Variants in RNASEH2B observed in about 807,000 individuals in gnomAD.
RNASEH2B encodes the protein ribonuclease H2 subunit B.
RNASEH2B carries 36 observed loss-of-function variants against 45.0 expected under a neutral mutation model. The ratio of observed to expected loss-of-function variants is 0.80; its 90% CI spans 0.61 to 1.06. RNASEH2B has a LOEUF of 1.06. Ranked by LOEUF, RNASEH2B falls within the 50% of genes least tolerant of loss-of-function variation. The pLI is 0.00. For synonymous variants in RNASEH2B, 119 were observed against 125.7 expected (o/e 0.95, Z 0.35); for missense variants, 361 against 360.3 (o/e 1.00, Z -0.02).
chr13:50,927,557 T>G lies in RNASEH2B; in HGVS notation c.136+79T>G. 8 of 920,734 alleles carry G rather than the reference T, an allele frequency of 8.7e-6. No homozygotes were observed. The South Asian group carries it at 1.0e-4, about 12-fold the overall frequency. 57.0% of individuals were successfully genotyped at this position (920,734 alleles called of 1,614,324 possible). ...TATACACTTTTATGTCTTTGTGTCCTTGCTCTTTCTGAATAGCTTTTAAAG... is the reference window on the plus strand; with the variant it reads ...TATACACTTTTATGTCTTTGTGTCCGTGCTCTTTCTGAATAGCTTTTAAAG... On this transcript the variant is annotated intron_variant, in intron 2 of 10. Coordinates refer to ENST00000336617, the MANE Select transcript of RNASEH2B (RefSeq NM_024570.4).
Position 50,945,481 on chromosome 13 carries a change from G to T in RNASEH2B, c.565G>T (p.Val189Leu), listed in dbSNP as rs1951889253. 1 of 1,613,806 alleles carries T rather than the reference G, an allele frequency of 6.2e-7. No individual in the cohort carries two copies. Residue 189 changes from valine to leucine, a missense_variant, in exon 7 of 11, where the codon GTA (valine) becomes TTA (leucine). Transcript: ENST00000336617. ...CAATAATGTGAATGTCAGTTCCCGG[G>T]TACAGTCAACTGCATTTTTCTCTGG... ...KTNNVNVSSR[V>L]QSTAFFSGDQ...
At chr13:50,935,505 C>T (rs1951738197) in intron 5 of RNASEH2B, 2 of 163,472 alleles carry the variant, frequency 1.2e-5, no homozygotes, top group East Asian at 1.7e-4. Flanking sequence ...CACAGTGTAA[C>T]GGAAGTGAAC....
intron 5 of RNASEH2B, chr13:50,941,270 C>T (rs1278667118): frequency 6.6e-6 from 1 of 152,208 alleles, no homozygotes; most frequent in Non-Finnish European, 1.5e-5. Context: ...AAAAAAACCT[C>T]TCTTTACACA....
At chr13:50,915,618 C>T (rs543042290) in intron 1 of RNASEH2B, 4 of 396,606 alleles carry the variant, frequency 1.0e-5, no homozygotes, top group Admixed American at 4.4e-5. Context: ...GTGGCCATTT[C>T]GCTTCTCAGT....
chr13:50,967,200 C>T (rs1194259823), intron 9 of RNASEH2B, among the ~76,000 whole-genome samples: 1 of 152,184 alleles, frequency 6.6e-6, no homozygotes, highest in Non-Finnish European at 1.5e-5. Context: ...GCTTACCATG[C>T]ACTAGGCACT....
At chr13:50,924,823 A>G (rs1258561094) in intron 1 of RNASEH2B, among the ~76,000 whole-genome samples, 1 of 152,212 alleles carries the variant, frequency 6.6e-6, no homozygotes, top group Non-Finnish European at 1.5e-5. Flanking sequence ...GCTGGAGTAC[A>G]GGCATGCACC....
intron 2 of RNASEH2B, chr13:50,928,278 C>T (rs1951628333): frequency 6.6e-6 from 1 of 152,090 alleles, no homozygotes. Flanking sequence ...TATGGGAGGG[C>T]CACTGAGTAG....
chr13:50,969,239 G>A (rs1348262801), intron 9 of RNASEH2B, among the ~76,000 whole-genome samples: 1 of 152,114 alleles, frequency 6.6e-6, no homozygotes, highest in East Asian at 1.9e-4. Flanking sequence ...TCTGGGGAGT[G>A]GGTGGTCAGG....
rs1952017904 is a variant in RNASEH2B, at chr13:50,954,381, C to T, written c.822+396C>T. On this transcript the variant is annotated intron_variant, in intron 10 of 10. Coordinates refer to ENST00000336617, the MANE Select transcript of RNASEH2B (RefSeq NM_024570.4). ...ACCCTGGCAAATGGCATTTTGGTAA[C>T]AGTCCTTACTTAGTTTTATACATGC... The T allele has an allele frequency of 8.0e-6, 3 of 374,606 alleles. No individual in the cohort carries two copies. The East Asian group carries it at 1.4e-4, about 18-fold the overall frequency. 23.2% of individuals were successfully genotyped at this position (374,606 alleles called of 1,614,324 possible).
chr13:50,960,797 C>T (rs149875303), downstream of RNASEH2B, among the ~76,000 whole-genome samples: 662 of 152,296 alleles, frequency 4.3e-3, 3 homozygotes, highest in African/African-American at 0.015. Context: ...ATTAGGCTAG[C>T]TTTCCATTTT....
downstream of RNASEH2B, among the ~76,000 whole-genome samples, chr13:50,961,587 C>A (rs1300831396): frequency 6.6e-6 from 1 of 152,054 alleles, no homozygotes; most frequent in Non-Finnish European, 1.5e-5. Flanking sequence ...CTGTGCAAGC[C>A]CTGAATCCAC....
At chr13:50,910,643 G>A in intron 1 of RNASEH2B, 1 of 153,266 alleles carries the variant, frequency 6.5e-6, no homozygotes, top group Non-Finnish European at 1.5e-5. Flanking sequence ...TTAGGCCAAG[G>A]GTAGTTCAAA....
intron 1 of RNASEH2B, among the ~76,000 whole-genome samples, chr13:50,918,350 G>A (rs895581178): frequency 6.6e-6 from 1 of 152,178 alleles, no homozygotes; most frequent in African/African-American, 2.4e-5. Flanking sequence ...TGTTAACCAG[G>A]ATGGTCTCGA....
chr13:50,918,379 C>T (rs933419544), intron 1 of RNASEH2B, among the ~76,000 whole-genome samples: 6 of 152,192 alleles, frequency 3.9e-5, no homozygotes, highest in East Asian at 3.9e-4. Flanking sequence ...CGTCGTGATC[C>T]GCCCGCCTCG....
chr13:50,947,572 T>G (rs537932419), intron 7 of RNASEH2B, among the ~76,000 whole-genome samples: 1 of 129,708 alleles, frequency 7.7e-6, no homozygotes, highest in South Asian at 2.1e-4. Context: ...ATAATTAGAT[T>G]TATTCTTTAT....
At chr13:50,915,682 T>C (rs1009738284) in intron 1 of RNASEH2B, among the ~76,000 whole-genome samples, 9 of 152,360 alleles carry the variant, frequency 5.9e-5, no homozygotes, top group South Asian at 4.1e-4. Flanking sequence ...GTAGAGCATG[T>C]CACGTAGGAT....
intron 9 of RNASEH2B, among the ~76,000 whole-genome samples, chr13:50,965,991 T>C (rs769997713): frequency 2.0e-5 from 3 of 152,220 alleles, no homozygotes; most frequent in Non-Finnish European, 4.4e-5. Flanking sequence ...GCAATTTTGT[T>C]TTCTTGCCTG....
At chr13:50,965,123 A>G (rs946559415) in intron 9 of RNASEH2B, among the ~76,000 whole-genome samples, 4 of 152,034 alleles carry the variant, frequency 2.6e-5, no homozygotes, top group Admixed American at 2.6e-4. Context: ...AATTCCTATC[A>G]CCTAGTGAGT....
chr13:50,959,404 CCAGA>C (rs1347583207), downstream of RNASEH2B: 4 of 151,924 alleles, frequency 2.6e-5, no homozygotes, highest in Non-Finnish European at 5.9e-5. Context: ...GGAAATTTAA[CCAGA>C]CACTTTTATT....
Sources: allele counts gnomAD v4.1 joint callset (sites outside exome capture counted in the v4.1 genomes callset), GRCh38; gene constraint gnomAD v4.1.1; transcripts MANE v1.5; gene names NCBI Gene and HGNC (gene_info 2026-07-23, HGNC 2026-07-21).